The following KPNA6 variants were observed in gnomAD, a reference collection of about 807,000 sequenced individuals.
KPNA6 encodes the protein karyopherin subunit alpha 6, also known as importin subunit alpha-7.
Under a neutral mutation model 72.0 loss-of-function variants are expected in KPNA6, and 9 were observed. That is an observed-to-expected ratio of 0.13 (90% CI 0.08 to 0.22). The LOEUF (loss-of-function observed/expected upper bound fraction) is 0.22. Ranked by LOEUF, KPNA6 falls within the 10% of genes least tolerant of loss-of-function variation. KPNA6 has a pLI of 1.00. For missense variants in KPNA6, 374 were observed against 655.7 expected, an observed-to-expected ratio of 0.57 and a Z score of 4.69; for synonymous variants, 219 against 242.1, an observed-to-expected ratio of 0.90 and a Z score of 0.89.
intron 7 of KPNA6, among the ~76,000 whole-genome samples, chr1:32,161,455 C>T (rs898699243): frequency 1.3e-5 from 2 of 152,188 alleles, no homozygotes; most frequent in Non-Finnish European, 2.9e-5. Flanking sequence ...TATGCCTAAA[C>T]CAAAACAGAT....
chr1:32,108,793 G>A (rs1297019469), intron 1 of KPNA6, among the ~76,000 whole-genome samples: 1 of 152,206 alleles, frequency 6.6e-6, no homozygotes, highest in Non-Finnish European at 1.5e-5. Context: ...TTAGGTTGAG[G>A]ACTTTAGGTT....
chr1:32,171,183 A>G lies in KPNA6; in HGVS notation c.*289A>G, dbSNP rs1388796881. 2 of 379,196 alleles carry G rather than the reference A, an allele frequency of 5.3e-6. No homozygotes were observed. The highest frequency in any genetic ancestry group is 4.8e-6 in the Non-Finnish European group (1 of 209,280). The allele number at this position is 379,196 out of a possible 1,614,324, so 23.5% of individuals were successfully genotyped here. ...ACACATGTCTTTAACCCAGGAGCCC[A>G]GGGGTAGACAAAGGAGGACTAAGGT... On this transcript the variant is annotated 3_prime_UTR_variant, in exon 14 of 14. Transcript: ENST00000373625.
At position 32,138,474 on chromosome 1, in the gene KPNA6, C is replaced by T. The variant is rs532985158; in HGVS notation, c.5-16114C>T. Among the ~76,000 whole-genome samples, 25 of 144,272 alleles carry T rather than the reference C, an allele frequency of 1.7e-4. No individual in the cohort carries two copies. The East Asian group carries it at 2.5e-3, about 14-fold the overall frequency. The allele number at this position is 144,272 out of a possible 152,430, so 94.6% of individuals were successfully genotyped here. A position where few individuals can be genotyped will look rare whatever the true frequency, so the allele number is the denominator to read the frequency against. ...AGGAGAATCACTTGAACCTGGGAGACGGAGGTTGCGGTGAGCCGAGATCGC... is the reference window on the plus strand; with the variant it reads ...AGGAGAATCACTTGAACCTGGGAGATGGAGGTTGCGGTGAGCCGAGATCGC... On this transcript the variant is annotated intron_variant, in intron 1 of 13. Coordinates refer to ENST00000373625, the MANE Select transcript of KPNA6 (RefSeq NM_012316.5).
chr1:32,114,442 A>C (rs1212708990), intron 1 of KPNA6, among the ~76,000 whole-genome samples: 1 of 120,358 alleles, frequency 8.3e-6, no homozygotes, highest in Admixed American at 8.1e-5. Flanking sequence ...ACTCTGTCTC[A>C]AAAAAAAAAA....
intron 10 of KPNA6, among the ~76,000 whole-genome samples, chr1:32,165,763 C>T (rs1308499125): frequency 6.6e-6 from 1 of 151,742 alleles, no homozygotes; most frequent in Non-Finnish European, 1.5e-5. Flanking sequence ...TTTGGGAGGC[C>T]GAGGCAGGCA....
At chr1:32,110,990 T>G (rs1641235570) in intron 1 of KPNA6, among the ~76,000 whole-genome samples, 1 of 152,214 alleles carries the variant, frequency 6.6e-6, no homozygotes, top group Non-Finnish European at 1.5e-5. Flanking sequence ...TAATGTTCCT[T>G]TCCCTTAAGC....
In KPNA6 at chr1:32,121,145, T is replaced by C. The variant is rs147849505; in HGVS notation, c.4+13011T>C. ...GCCTCCCTCGGCCTCCCAGAGTGATTACAAGCGTAAGCTACTGCTCCTGGC... is the reference window on the plus strand; with the variant it reads ...GCCTCCCTCGGCCTCCCAGAGTGATCACAAGCGTAAGCTACTGCTCCTGGC... On this transcript the variant is annotated intron_variant, in intron 1 of 13. Transcript: ENST00000373625. Among the ~76,000 whole-genome samples, 539 of 152,248 alleles carry C rather than the reference T, an allele frequency of 3.5e-3. 3 individuals are homozygous for C. The highest frequency in any genetic ancestry group is 0.012 in the African/African-American group (502 of 41,570).
At chr1:32,139,189 TACA>T (rs371561071) in intron 1 of KPNA6, among the ~76,000 whole-genome samples, 48 of 152,324 alleles carry the variant, frequency 3.2e-4, no homozygotes, top group African/African-American at 1.1e-3. Flanking sequence ...ATGCCGGGGA[TACA>T]ACAACTCTGC....
Position 32,126,269 on chromosome 1 carries a change from G to A in KPNA6, c.4+18135G>A, listed in dbSNP as rs140346761. On this transcript the variant is annotated intron_variant, in intron 1 of 13. Coordinates refer to ENST00000373625, the MANE Select transcript of KPNA6 (RefSeq NM_012316.5). ...GAAATATATAAGGAACCGGTTTATG[G>A]AGAAGAAGATGCTTCCCCACCCCCC... 1.5e-3 allele frequency among the ~76,000 whole-genome samples: 226 copies of A among 151,984 alleles called. 4 individuals are homozygous for A. In the East Asian group the frequency reaches 0.042, roughly 28 times the overall value.
chr1:32,109,143 G>A (rs1282868026), intron 1 of KPNA6, among the ~76,000 whole-genome samples: 2 of 152,158 alleles, frequency 1.3e-5, no homozygotes, highest in Admixed American at 6.6e-5. Flanking sequence ...AAGCCAGGGT[G>A]AACACTCCCA....
At chr1:32,113,035 C>T (rs1199211761) in intron 1 of KPNA6, among the ~76,000 whole-genome samples, 1 of 151,994 alleles carries the variant, frequency 6.6e-6, no homozygotes, top group African/African-American at 2.4e-5. Flanking sequence ...TGCCATAGAC[C>T]TTTCAAAATT....
intron 1 of KPNA6, among the ~76,000 whole-genome samples, chr1:32,149,244 C>T (rs977978632): frequency 1.3e-5 from 2 of 151,960 alleles, no homozygotes; most frequent in African/African-American, 4.8e-5. Context: ...TTGATATTCT[C>T]ATTTTATTCA....
At chr1:32,161,427 C>T (rs1376039712) in intron 7 of KPNA6, among the ~76,000 whole-genome samples, 1 of 152,168 alleles carries the variant, frequency 6.6e-6, no homozygotes, top group Non-Finnish European at 1.5e-5. Context: ...TCCTTCCCTC[C>T]GTACCCTTAG....
Position 32,129,391 on chromosome 1 carries a change from C to T in KPNA6, c.4+21257C>T, listed in dbSNP as rs914005709. 3.9e-5 allele frequency among the ~76,000 whole-genome samples: 6 copies of T among 151,916 alleles called. No homozygotes were observed. The South Asian group carries it at 1.0e-3, about 26-fold the overall frequency. On this transcript the variant is annotated intron_variant, in intron 1 of 13. Coordinates refer to ENST00000373625, the MANE Select transcript of KPNA6 (RefSeq NM_012316.5). The stretch of plus-strand genomic sequence containing the variant: ...ATGTTGCCCAGGCTGGTCTTGAATT[C>T]CTGGGCTCAAGCAATCTGTTTGATT...
chr1:32,109,273 G>A (rs567487067), intron 1 of KPNA6, among the ~76,000 whole-genome samples: 4 of 151,088 alleles, frequency 2.6e-5, no homozygotes, highest in Admixed American at 6.6e-5. Flanking sequence ...GGGTTCAAGC[G>A]ATTCTCCTGC....
intron 1 of KPNA6, among the ~76,000 whole-genome samples, chr1:32,123,745 A>G (rs1641480014): frequency 6.6e-6 from 1 of 150,628 alleles, no homozygotes; most frequent in South Asian, 2.1e-4. Context: ...GTCTTAAAAA[A>G]AAAAAAAAAA....
intron 1 of KPNA6, among the ~76,000 whole-genome samples, chr1:32,131,762 A>T (rs917377415): frequency 6.6e-6 from 1 of 150,756 alleles, no homozygotes; most frequent in African/African-American, 2.4e-5. Context: ...GCCCACACCT[A>T]TAATTCCAGC....
chr1:32,124,135 G>A (rs113488817), intron 1 of KPNA6, among the ~76,000 whole-genome samples: 5 of 151,902 alleles, frequency 3.3e-5, no homozygotes, highest in African/African-American at 1.2e-4. Flanking sequence ...TGAGCACTTT[G>A]GGAGGTTGAG....
At chr1:32,165,182 C>A (rs1642310440) in intron 10 of KPNA6, among the ~76,000 whole-genome samples, 1 of 152,158 alleles carries the variant, frequency 6.6e-6, no homozygotes, top group African/African-American at 2.4e-5. Flanking sequence ...GCTGGGATTA[C>A]AGGCATGAAG....
Sources: gnomAD v4.1 joint callset for allele counts (sites outside exome capture counted in the v4.1 genomes callset) on GRCh38, gnomAD v4.1.1 for gene constraint, MANE v1.5 for transcripts, NCBI Gene and HGNC (gene_info 2026-07-23, HGNC 2026-07-21) for gene names.